PDCD6IP: variants seen among roughly 807,000 people sequenced by gnomAD.
PDCD6IP encodes the protein programmed cell death 6-interacting protein.
In PDCD6IP, 43 loss-of-function variants were observed where a neutral mutation model predicts 103.7. That is an observed-to-expected ratio of 0.41 (90% CI 0.32 to 0.53). The LOEUF is 0.53. PDCD6IP is among the 20% of genes least tolerant of loss of function. The pLI is 0.16. For synonymous variants in PDCD6IP, 354 were observed against 378.7 expected (o/e 0.93, Z 0.76); for missense variants, 871 against 1,036.7 (o/e 0.84, Z 2.20).
At chr3:33,843,782 T>G (rs1328910554) in intron 10 of PDCD6IP, among the ~76,000 whole-genome samples, 1 of 152,112 alleles carries the variant, frequency 6.6e-6, no homozygotes, top group African/African-American at 2.4e-5. Context: ...TTGATCAGTT[T>G]TCCCCTTTTG....
chr3:33,805,689 G>A (rs1008845123), intron 1 of PDCD6IP, among the ~76,000 whole-genome samples: 2 of 149,122 alleles, frequency 1.3e-5, no homozygotes, highest in Non-Finnish European at 3.0e-5. Context: ...CAAGTGCTGG[G>A]ATTACAGGTG....
intron 1 of PDCD6IP, among the ~76,000 whole-genome samples, chr3:33,804,774 T>G (rs1455655542): frequency 6.6e-6 from 1 of 152,200 alleles, no homozygotes; most frequent in East Asian, 1.9e-4. Context: ...TAGTTACTTT[T>G]TGCCATACTC....
chr3:33,863,928 A>G, intron 15 of PDCD6IP, 78 bp from the exon 16 acceptor site: 1 of 909,036 alleles, frequency 1.1e-6, no homozygotes, highest in South Asian at 1.5e-5. Context: ...TTCATGTATG[A>G]AGAAAAGAAA....
chr3:33,858,834 A>G (rs1697888296), intron 15 of PDCD6IP, among the ~76,000 whole-genome samples: 1 of 152,102 alleles, frequency 6.6e-6, no homozygotes, highest in Non-Finnish European at 1.5e-5. Context: ...AACAAAACAA[A>G]AGAAATAAAC....
chr3:33,840,916 T>A (rs749066250), intron 9 of PDCD6IP, among the ~76,000 whole-genome samples: 8 of 152,230 alleles, frequency 5.3e-5, no homozygotes, highest in Admixed American at 2.6e-4. Context: ...AGACTGCTTT[T>A]TTAGGATAGA....
intron 10 of PDCD6IP, 69 bp from the exon 11 acceptor site, chr3:33,844,043 T>G: frequency 2.1e-6 from 2 of 936,758 alleles, no homozygotes; most frequent in Non-Finnish European, 3.3e-6. Flanking sequence ...TGTATGAACA[T>G]TTATTAAATG....
intron 1 of PDCD6IP, among the ~76,000 whole-genome samples, chr3:33,810,018 C>G (rs751790469): frequency 2.0e-5 from 3 of 152,162 alleles, no homozygotes; most frequent in Non-Finnish European, 4.4e-5. Context: ...TGCCAGGTTT[C>G]TTGACCTTAC....
intron 1 of PDCD6IP, among the ~76,000 whole-genome samples, chr3:33,805,755 T>G (rs950923431): frequency 2.0e-5 from 3 of 151,504 alleles, no homozygotes; most frequent in African/African-American, 7.3e-5. Context: ...TTTCTTTTTT[T>G]GTTTTTTGAG....
intron 15 of PDCD6IP, among the ~76,000 whole-genome samples, chr3:33,855,942 G>A (rs886597631): frequency 2.0e-5 from 3 of 152,150 alleles, no homozygotes; most frequent in African/African-American, 4.8e-5. Flanking sequence ...GTACTGGTTC[G>A]TGGCCTGTTA....
chr3:33,830,031 C>T (rs1697213116), intron 7 of PDCD6IP, among the ~76,000 whole-genome samples: 1 of 152,176 alleles, frequency 6.6e-6, no homozygotes. Flanking sequence ...GGGCAGAGCC[C>T]TCTTGACCTA....
intron 9 of PDCD6IP, among the ~76,000 whole-genome samples, chr3:33,838,735 G>C (rs1037125891): frequency 6.6e-6 from 1 of 151,404 alleles, no homozygotes; most frequent in African/African-American, 2.4e-5. Flanking sequence ...TAAGTGCACA[G>C]TTCAATTATT....
intron 12 of PDCD6IP, among the ~76,000 whole-genome samples, chr3:33,846,996 G>A (rs1347923855): frequency 6.6e-6 from 1 of 152,194 alleles, no homozygotes; most frequent in Non-Finnish European, 1.5e-5. Context: ...GGAACCCAAT[G>A]GAACAAGGAA....
At chr3:33,819,069 T>G (rs1696928215) in intron 3 of PDCD6IP, among the ~76,000 whole-genome samples, 2 of 152,128 alleles carry the variant, frequency 1.3e-5, no homozygotes. Context: ...TTGATAATTT[T>G]CTTGTCTCTT....
Position 33,798,836 on chromosome 3 carries a change from G to A in PDCD6IP, c.108G>A (p.Gln36=), listed in dbSNP as rs781238447. ...CTTACCCAAGCGGCGGGGAAGAGCA[G>A]GCCCAGTACTGCCGCGCGGCGGAGG... ...QQTYPSGGEE[Q]AQYCRAAEEL... The change falls in exon 1 of 18, where the codon CAG becomes CAA. Residue 36 remains glutamine, a synonymous_variant. Coordinates refer to ENST00000307296, the MANE Select transcript of PDCD6IP (RefSeq NM_013374.6). The A allele has an allele frequency of 1.0e-5, 16 of 1,558,254 alleles. No homozygotes were observed. In the Middle Eastern group the frequency reaches 6.7e-4, roughly 65 times the overall value.
Position 33,856,851 on chromosome 3 carries a change from T to C in PDCD6IP, c.2120+1591T>C, listed in dbSNP as rs186283226. 5.9e-5 allele frequency among the ~76,000 whole-genome samples: 9 copies of C among 152,274 alleles called. No individual in the cohort carries two copies. The East Asian group carries it at 7.7e-4, about 13-fold the overall frequency. On this transcript the variant is annotated intron_variant, in intron 15 of 17. Coordinates refer to ENST00000307296, the MANE Select transcript of PDCD6IP (RefSeq NM_013374.6). ...AATATGAGCTAAAGATTTTATATCA[T>C]ATAGTAAATACATGCTAAAGATTTT...
intron 3 of PDCD6IP, among the ~76,000 whole-genome samples, chr3:33,817,630 G>A (rs1696883961): frequency 6.6e-6 from 1 of 152,020 alleles, no homozygotes; most frequent in Admixed American, 6.6e-5. Flanking sequence ...GTGTGTGCCT[G>A]TAGTCCTAGC....
rs1173067610 is a variant in PDCD6IP, at chr3:33,866,481, C to A, written c.2563C>A (p.Pro855Thr). 2 of 1,611,660 alleles carry A rather than the reference C, an allele frequency of 1.2e-6. No homozygotes were observed. Among genetic ancestry groups the A allele is most frequent in the Admixed American group, 1.7e-5 (1 of 59,376 alleles). ...CCCGGGACCCCAGCAGCCTTCATAC[C>A]CCTTCCCTCAGCCCCCACAGCAGTC... ...PYPGPQQPSY[P>T]FPQPPQQSYY... is the part of the protein sequence containing the mutation. The change falls in exon 18 of 18, where the codon CCC becomes ACC. Residue 855 changes from proline (P) to threonine (T), a missense_variant. By Grantham distance (38) the Pro-to-Thr change is conservative. Around this residue, in one of 5 missense-constraint regions of PDCD6IP, gnomAD observed 202 missense variants for 205.2 expected, o/e 0.98. Coordinates refer to ENST00000307296, the MANE Select transcript of PDCD6IP (RefSeq NM_013374.6).
At chr3:33,799,886 C>G (rs1458975233) in intron 1 of PDCD6IP, among the ~76,000 whole-genome samples, 1 of 151,806 alleles carries the variant, frequency 6.6e-6, no homozygotes, top group Admixed American at 6.6e-5. Flanking sequence ...TTTGGGAGGC[C>G]GAGGCGGGCG....
At chr3:33,833,926 T>G (rs1697292334) in intron 7 of PDCD6IP, among the ~76,000 whole-genome samples, 1 of 151,068 alleles carries the variant, frequency 6.6e-6, no homozygotes, top group South Asian at 2.1e-4. Context: ...CTCTGGCTCT[T>G]AAAGCCTACC....
Sources: gnomAD v4.1 joint callset for allele counts (sites outside exome capture counted in the v4.1 genomes callset) on GRCh38, gnomAD v4.1.1 for gene constraint, gnomAD v4.1.1 regional missense constraint, MANE v1.5 for transcripts, NCBI Gene and HGNC (gene_info 2026-07-23, HGNC 2026-07-21) for gene names.